The following LRRC59 variants were observed in gnomAD, a reference collection of about 807,000 sequenced individuals.
The protein encoded by LRRC59 is leucine rich repeat containing 59, also known as leucine-rich repeat-containing protein 59.
In LRRC59, 18 loss-of-function variants were observed where a neutral mutation model predicts 33.5. The observed-to-expected ratio is 0.54, with a 90% CI of 0.37 to 0.80. The LOEUF is 0.80. LRRC59 is among the 30% of genes least tolerant of loss of function. LRRC59 has a pLI of 0.00. For synonymous variants in LRRC59, 138 were observed against 160.0 expected (o/e 0.86, Z 1.04); for missense variants, 330 against 391.9 (o/e 0.84, Z 1.33).
chr17:50,393,412 T>A (rs373728163), intron 2 of LRRC59, among the ~76,000 whole-genome samples: 1 of 130,382 alleles, frequency 7.7e-6, no homozygotes, highest in East Asian at 2.0e-4. Context: ...TCACCATTCA[T>A]AGGATCTGTC....
chr17:50,395,718 A>C (rs1450941649), intron 1 of LRRC59, among the ~76,000 whole-genome samples: 1 of 152,292 alleles, frequency 6.6e-6, no homozygotes, highest in East Asian at 1.9e-4. Flanking sequence ...GTTCGAGACC[A>C]GCCTGACCAA....
chr17:50,386,926 A>T (rs796556848), intron 5 of LRRC59, among the ~76,000 whole-genome samples: 4 of 152,336 alleles, frequency 2.6e-5, no homozygotes, highest in African/African-American at 9.6e-5. Flanking sequence ...TTTCTAGAGA[A>T]GACAATAAAC....
At position 50,397,332 on chromosome 17, in the gene LRRC59, A is replaced by G. The variant is rs374004103; in HGVS notation, c.-15T>C. On this transcript the variant is annotated 5_prime_UTR_variant, in exon 1 of 7. Coordinates refer to ENST00000225972, the MANE Select transcript of LRRC59 (RefSeq NM_018509.4). ...GCCTTGGTCATGGTAACGCCGGCTGAGCGGGCCCCGGCTCCGGGGTTCCGG... is the reference window on the plus strand; with the variant it reads ...GCCTTGGTCATGGTAACGCCGGCTGGGCGGGCCCCGGCTCCGGGGTTCCGG... 2.5e-6 allele frequency: 4 copies of G among 1,596,226 alleles called. No homozygotes were observed. Among genetic ancestry groups the G allele is most frequent in the Admixed American group, 1.7e-5 (1 of 58,102 alleles).
chr17:50,394,370 C>T (rs543883831), intron 2 of LRRC59, among the ~76,000 whole-genome samples: 7 of 152,206 alleles, frequency 4.6e-5, no homozygotes, highest in East Asian at 3.9e-4. Context: ...AACTAGCAGA[C>T]GTTGTGCAAG....
rs372377591 is a variant in LRRC59, at chr17:50,384,714, G to A, written c.676+404C>T. Among the ~76,000 whole-genome samples, 7 of 149,966 alleles carry A rather than the reference G, an allele frequency of 4.7e-5. No individual in the cohort carries two copies. In the East Asian group the frequency reaches 5.9e-4, roughly 13 times the overall value. ...CAGGAGACGGAGGTTGCAGTGAGCC[G>A]AGATCACGCCATTGCACTCCAGCCT... On this transcript the variant is annotated intron_variant, in intron 6 of 6. Coordinates refer to ENST00000225972, the MANE Select transcript of LRRC59 (RefSeq NM_018509.4).
At chr17:50,396,901 T>G (rs1223629240) in intron 1 of LRRC59, 1 of 394,168 alleles carries the variant, frequency 2.5e-6, no homozygotes, top group African/African-American at 2.1e-5. Flanking sequence ...GTGCTCCTAC[T>G]CAGAGTCGGG....
intron 5 of LRRC59, among the ~76,000 whole-genome samples, chr17:50,387,007 A>G (rs1369864028): frequency 6.6e-6 from 1 of 152,194 alleles, no homozygotes; most frequent in African/African-American, 2.4e-5. Flanking sequence ...AGTCCCAGCT[A>G]CTCAGGAGGC....
At position 50,390,113 on chromosome 17, in the gene LRRC59, A is replaced by G. The variant is rs555511274; in HGVS notation, c.430-1981T>C. On this transcript the variant is annotated intron_variant, in intron 4 of 6. Coordinates refer to ENST00000225972, the MANE Select transcript of LRRC59 (RefSeq NM_018509.4). ...ACTCTGTCTCAAAAAAAAAAAAAAA[A>G]AAAGAAAAAGGAAAGAAATCAGGTC... is the stretch of plus-strand genomic sequence containing the variant. Among the ~76,000 whole-genome samples, 1,401 of 151,200 alleles carry G rather than the reference A, an allele frequency of 9.3e-3. 15 individuals carry two copies. The highest frequency in any genetic ancestry group is 0.015 in the Admixed American group (228 of 15,154).
chr17:50,394,462 A>C (rs1398593784), intron 2 of LRRC59, among the ~76,000 whole-genome samples: 1 of 152,230 alleles, frequency 6.6e-6, no homozygotes, highest in Admixed American at 6.5e-5. Flanking sequence ...CTTTGGGAGA[A>C]TAATGATAAG....
chr17:50,385,003 T>C, intron 6 of LRRC59, 115 bp downstream of exon 6: 2 of 1,217,078 alleles, frequency 1.6e-6, no homozygotes, highest in Non-Finnish European at 2.3e-6. Flanking sequence ...TCCCAAGCTT[T>C]AGAGTGTACT....
intron 1 of LRRC59, 74 bp from the exon 2 acceptor site, chr17:50,395,062 AT>A: frequency 9.9e-7 from 1 of 1,014,410 alleles, no homozygotes; most frequent in Non-Finnish European, 1.5e-6. Flanking sequence ...TTAATGAAGC[AT>A]TTTCCAGAGA....
chr17:50,392,646 G>T, intron 3 of LRRC59, 93 bp downstream of exon 3: 3 of 1,541,584 alleles, frequency 1.9e-6, no homozygotes, highest in Non-Finnish European at 2.7e-6. Context: ...ACCAACAAGG[G>T]GGTATTTCTG....
At position 50,392,787 on chromosome 17, in the gene LRRC59, G is replaced by A. The variant is rs1914178301; in HGVS notation, c.276C>T (p.Leu92=). Reference sequence around the variant, plus strand: ...GCAAGGTGACCAGCTTGTTGTTGAGGAGATCCAGGTGCTGGAGGTTGACCA... The same window carrying A: ...GCAAGGTGACCAGCTTGTTGTTGAGAAGATCCAGGTGCTGGAGGTTGACCA... ...GRLVNLQHLD[L]LNNKLVTLPV... is the part of the protein sequence containing the mutation. The change falls in exon 3 of 7, where the codon CTC becomes CTT. Residue 92 remains leucine (L), a synonymous_variant. Transcript: ENST00000225972. 23 of 1,614,150 alleles carry A rather than the reference G, an allele frequency of 1.4e-5. No individual in the cohort carries two copies. Among genetic ancestry groups the A allele is most frequent in the Non-Finnish European group, 1.8e-5 (21 of 1,180,024 alleles).
At position 50,382,052 on chromosome 17, in the gene LRRC59, T is replaced by C. The variant is rs1397373075; in HGVS notation, c.*936A>G. 1.3e-5 allele frequency: 2 copies of C among 152,624 alleles called. No homozygotes were observed. Among genetic ancestry groups the C allele is most frequent in the Non-Finnish European group, 2.9e-5 (2 of 68,044 alleles). 9.5% of individuals were successfully genotyped at this position (152,624 alleles called of 1,614,324 possible). On this transcript the variant is annotated 3_prime_UTR_variant, in exon 7 of 7. Transcript: ENST00000225972. ...CATAGACAGTGTAGGTTTGCAGAGA[T>C]CCACCTCCTTGCTTACTGGCAATTA...
At chr17:50,383,440 G>A (rs1160448542) in intron 6 of LRRC59, among the ~76,000 whole-genome samples, 1 of 152,116 alleles carries the variant, frequency 6.6e-6, no homozygotes, top group Non-Finnish European at 1.5e-5. Context: ...ATTTGCAACT[G>A]GCACTCATTC....
rs754178248 is a variant in LRRC59, at chr17:50,382,957, G to A, written c.*31C>T. On this transcript the variant is annotated 3_prime_UTR_variant, in exon 7 of 7. Transcript: ENST00000225972. ...AATTCCATAGGAATCCAAACTCCAA[G>A]GCTGGGAGGCAGCAGGTGCTGGGGA... 1.9e-6 allele frequency: 3 copies of A among 1,603,562 alleles called. No homozygotes were observed. The highest frequency in any genetic ancestry group is 2.2e-5 in the East Asian group (1 of 44,684).
At chr17:50,392,635 G>C in intron 3 of LRRC59, 104 bp downstream of exon 3, 1 of 1,521,946 alleles carries the variant, frequency 6.6e-7, no homozygotes, top group Non-Finnish European at 9.0e-7. Flanking sequence ...TCTGAGGCAG[G>C]ACCAACAAGG....
rs1567821100 is a variant in LRRC59, at chr17:50,388,141, GA to G, written c.430-10del. The G allele has an allele frequency of 6.2e-7, 1 of 1,613,886 alleles. No individual in the cohort carries two copies. Among genetic ancestry groups the G allele is most frequent in the Non-Finnish European group, 8.5e-7 (1 of 1,179,796 alleles). On this transcript the variant is annotated splice_polypyrimidine_tract_variant and intron_variant, in intron 4 of 6. Coordinates refer to ENST00000225972, the MANE Select transcript of LRRC59 (RefSeq NM_018509.4). ...TTCATGTGCTGTAACACCTGCAAAG[GA>G]AAAGGAGGAAAGTAGTGCTCTTCAT...
At chr17:50,396,859 T>C (rs1914286222) in intron 1 of LRRC59, 1 of 351,276 alleles carries the variant, frequency 2.8e-6, no homozygotes, top group East Asian at 4.2e-5. Context: ...AGTCACTCAT[T>C]CATTCTCGAA....
Sources: allele counts gnomAD v4.1 joint callset (sites outside exome capture counted in the v4.1 genomes callset), GRCh38; gene constraint gnomAD v4.1.1; transcripts MANE v1.5; gene names NCBI Gene and HGNC (gene_info 2026-07-23, HGNC 2026-07-21).